The following C10orf67 variants were observed in gnomAD, a reference collection of about 807,000 sequenced individuals.
C10orf67 encodes the protein uncharacterized protein C10orf67, mitochondrial.
In C10orf67, 60 loss-of-function variants were observed where a neutral mutation model predicts 35.6. That is an observed-to-expected ratio of 1.68 (90% confidence interval 1.37 to 2.09). The LOEUF (loss-of-function observed/expected upper bound fraction) is 2.09, where lower values mean the gene tolerates loss of function less well. Among genes scored for constraint, C10orf67 ranks in the 30% most tolerant of loss-of-function variants. The probability of loss-of-function intolerance (pLI) is 0.00; values close to 1 mark genes in which losing one functional copy is unlikely to be tolerated. For missense variants in C10orf67, 474 were observed against 330.2 expected, an observed-to-expected ratio of 1.44 and a Z score of -3.38; for synonymous variants, 167 against 115.8, an observed-to-expected ratio of 1.44 and a Z score of -2.84.
In C10orf67 at chr10:23,321,153, T is replaced by C. The variant is rs1844940454; in HGVS notation, c.472-338A>G. ...ATTTGTGATGCCTATCTTCTTCTAG[T>C]CCTTGTACTTTTTGAATGGAATATG... On this transcript the variant is annotated intron_variant, in intron 3 of 15. Coordinates refer to ENST00000636213, the MANE Select transcript of C10orf67 (RefSeq NM_001371909.1). Among the ~76,000 whole-genome samples the C allele has an allele frequency of 4.6e-5, 7 of 152,346 alleles. No homozygotes were observed. The South Asian group carries it at 1.5e-3, about 32-fold the overall frequency.
chr10:23,202,087 G>C (rs1014929300), downstream of C10orf67: 1 of 152,242 alleles, frequency 6.6e-6, no homozygotes, highest in Non-Finnish European at 1.5e-5. Context: ...ATAACTCCTT[G>C]CAAGTCAGTC....
intron 12 of C10orf67, among the ~76,000 whole-genome samples, chr10:23,247,967 C>T (rs543582122): frequency 2.0e-5 from 3 of 152,220 alleles, no homozygotes; most frequent in African/African-American, 7.2e-5. Flanking sequence ...GGTGAGGGGA[C>T]TATATGAGCA....
At chr10:23,212,222 A>G (rs1373131028) in intron 15 of C10orf67, among the ~76,000 whole-genome samples, 2 of 152,208 alleles carry the variant, frequency 1.3e-5, no homozygotes, top group African/African-American at 4.8e-5. Flanking sequence ...GTCATGGGAC[A>G]GATTCTCCCT....
rs555545051 is a variant in C10orf67 at position 23,325,358 on chromosome 10, C to A, written c.328-2821G>T. Among the ~76,000 whole-genome samples, 290 of 151,212 alleles carry A rather than the reference C, an allele frequency of 1.9e-3. No homozygotes were observed. The Middle Eastern group carries it at 0.02, about 11-fold the overall frequency. ...GTCTCATAAACAAAAAAGCAAAAAA[C>A]AAAAATGAAACCTACCTCTGAACAA... On this transcript the variant is annotated intron_variant, in intron 2 of 15. Transcript: ENST00000636213.
At chr10:23,240,811 C>G (rs576297911) in intron 12 of C10orf67, among the ~76,000 whole-genome samples, 44 of 152,170 alleles carry the variant, frequency 2.9e-4, no homozygotes, top group Non-Finnish European at 5.6e-4. Context: ...TGAGAAGGAG[C>G]CTCCCATCTA....
chr10:23,274,706 G>A (rs4130996), intron 8 of C10orf67, among the ~76,000 whole-genome samples: 4,602 of 152,064 alleles, frequency 0.03, 223 homozygotes, highest in African/African-American at 0.11. Context: ...TACAGTTAAC[G>A]CAATCATCAC....
chr10:23,224,314 G>A (rs1841671466), intron 13 of C10orf67, among the ~76,000 whole-genome samples: 1 of 152,162 alleles, frequency 6.6e-6, no homozygotes, highest in African/African-American at 2.4e-5. Flanking sequence ...TGCAGCTGAG[G>A]GTCCTGAGTG....
At chr10:23,341,937 C>T (rs1466248887) in intron 1 of C10orf67, among the ~76,000 whole-genome samples, 9 of 152,092 alleles carry the variant, frequency 5.9e-5, no homozygotes, top group Admixed American at 3.9e-4. Context: ...TTTGGGAGGC[C>T]GAGGCTGGAG....
intron 1 of C10orf67, among the ~76,000 whole-genome samples, chr10:23,336,765 G>A (rs556936778): frequency 3.3e-5 from 5 of 152,016 alleles, no homozygotes; most frequent in South Asian, 4.2e-4. Context: ...CACCTGCCTC[G>A]GCCTCCCAAA....
chr10:23,239,701 A>T (rs368558205), intron 13 of C10orf67, 28 bp downstream of exon 13: 12 of 621,132 alleles, frequency 1.9e-5, no homozygotes, highest in African/African-American at 1.6e-4. Context: ...AAAGAGACAA[A>T]CAGCATCTAA....
chr10:23,306,549 A>AAAC (rs1844291110), intron 4 of C10orf67, among the ~76,000 whole-genome samples: 1 of 150,958 alleles, frequency 6.6e-6, no homozygotes, highest in Non-Finnish European at 1.5e-5. Context: ...AAAAAAAAAA[A>AAAC]AAGAATGGTG....
chr10:23,228,563 G>A (rs891649589), intron 13 of C10orf67, among the ~76,000 whole-genome samples: 2 of 152,086 alleles, frequency 1.3e-5, no homozygotes, highest in African/African-American at 4.8e-5. Context: ...CAAAAGCAAT[G>A]GCAACAAAAG....
intron 13 of C10orf67, among the ~76,000 whole-genome samples, chr10:23,227,595 A>G (rs995838564): frequency 1.3e-5 from 2 of 152,182 alleles, no homozygotes; most frequent in African/African-American, 2.4e-5. Flanking sequence ...CAGGGCAATC[A>G]GGCAGGAGAA....
intron 7 of C10orf67, 43 bp downstream of exon 7, chr10:23,289,857 T>C (rs1376819707): frequency 1.4e-6 from 1 of 711,552 alleles, no homozygotes; most frequent in South Asian, 1.5e-5. Context: ...CGCCTATAGT[T>C]CCATTTAAAA....
chr10:23,229,016 G>T (rs772837545), intron 13 of C10orf67, among the ~76,000 whole-genome samples: 87 of 152,276 alleles, frequency 5.7e-4, no homozygotes, highest in Admixed American at 1.8e-3. Context: ...CATTGTGGAA[G>T]ACAGTGTGGC....
intron 10 of C10orf67, among the ~76,000 whole-genome samples, chr10:23,251,044 C>G (rs1156765212): frequency 2.0e-5 from 3 of 152,140 alleles, no homozygotes; most frequent in African/African-American, 4.8e-5. Flanking sequence ...CTGCAGTGAG[C>G]TGTGATCATG....
chr10:23,316,832 T>A (rs1844730499), intron 4 of C10orf67: 1 of 152,288 alleles, frequency 6.6e-6, no homozygotes, highest in Non-Finnish European at 1.5e-5. Context: ...TCTGCCAGAG[T>A]CTGGCTGAGT....
chr10:23,301,875 G>A lies in C10orf67; in HGVS notation c.702+1429C>T, dbSNP rs115153850. Reference sequence around the variant, plus strand: ...CGTTCAGCTCGATTATGATCAACCCGGGCACTTAGCCATGCAGGAACAATG... The same window carrying A: ...CGTTCAGCTCGATTATGATCAACCCAGGCACTTAGCCATGCAGGAACAATG... On this transcript the variant is annotated intron_variant, in intron 5 of 15. Coordinates refer to ENST00000636213, the MANE Select transcript of C10orf67 (RefSeq NM_001371909.1). Among the ~76,000 whole-genome samples the A allele has an allele frequency of 5.8e-3, 880 of 152,322 alleles. 1 individual carries two copies. The highest frequency in any genetic ancestry group is 0.02 in the African/African-American group (821 of 41,570).
intron 12 of C10orf67, among the ~76,000 whole-genome samples, chr10:23,248,272 C>T (rs772467552): frequency 9.2e-5 from 14 of 152,196 alleles, no homozygotes; most frequent in South Asian, 2.1e-4. Flanking sequence ...GGCATCACCG[C>T]GGCATCAGCC....
Sources: allele counts gnomAD v4.1 joint callset (sites outside exome capture counted in the v4.1 genomes callset), GRCh38; gene constraint gnomAD v4.1.1; transcripts MANE v1.5; gene names NCBI Gene and HGNC (gene_info 2026-07-23, HGNC 2026-07-21).